Variants in INSL6 observed in about 807,000 individuals in gnomAD.
The protein encoded by INSL6 is insulin like 6.
Under a neutral mutation model 9.4 loss-of-function variants are expected in INSL6, and 16 were observed. That is an observed-to-expected ratio of 1.70 (90% CI 1.15 to 2.59). INSL6 has a LOEUF of 2.59. Among genes scored for constraint, INSL6 ranks in the 30% most tolerant of loss-of-function variants. INSL6 has a pLI of 0.00. For synonymous variants in INSL6, 154 were observed against 96.9 expected (o/e 1.59, Z -3.46); for missense variants, 391 against 257.3 (o/e 1.52, Z -3.56).
intron 3 of INSL6, chr9:5,127,794 A>AT (rs1443571347): frequency 1.7e-5 from 4 of 232,468 alleles, no homozygotes; most frequent in Non-Finnish European, 3.4e-5. Flanking sequence ...CAGGTTAAGA[A>AT]TTTTTTCCTA....
chr9:5,047,678 C>T, the INSL6 span, among the ~76,000 whole-genome samples: 3 of 152,160 alleles, frequency 2.0e-5, no homozygotes, highest in African/African-American at 7.2e-5. Context: ...AGAGATTGAA[C>T]TCCTGGGCTC....
chr9:5,112,693 G>T, the INSL6 span: 1 of 902,626 alleles, frequency 1.1e-6, no homozygotes, highest in South Asian at 3.0e-5. Context: ...TCCTGAATTT[G>T]GAGCAGCAAG....
the INSL6 span, among the ~76,000 whole-genome samples, chr9:5,095,462 C>T: frequency 2.6e-5 from 4 of 152,102 alleles, no homozygotes; most frequent in South Asian, 8.3e-4. Context: ...TTCAACAACC[C>T]GTCCTCCGGG....
intron 1 of INSL6, among the ~76,000 whole-genome samples, chr9:5,165,185 T>C (rs1220171054): frequency 6.6e-6 from 1 of 152,122 alleles, no homozygotes; most frequent in African/African-American, 2.4e-5. Context: ...CACTCCGGTC[T>C]AGGTGACAGA....
At chr9:5,081,978 G>C in the INSL6 span, 1 of 853,982 alleles carries the variant, frequency 1.2e-6, no homozygotes, top group Non-Finnish European at 1.8e-6. Context: ...GAAAAAAAAG[G>C]TTTGGTTGTC....
intron 3 of INSL6, among the ~76,000 whole-genome samples, chr9:5,125,165 G>T (rs1019709794): frequency 6.6e-6 from 1 of 150,422 alleles, no homozygotes; most frequent in Non-Finnish European, 1.5e-5. Flanking sequence ...TCAATATTGT[G>T]GTATGTTACC....
the INSL6 span, among the ~76,000 whole-genome samples, chr9:5,038,156 T>C: frequency 6.6e-6 from 1 of 152,214 alleles, no homozygotes; most frequent in African/African-American, 2.4e-5. Context: ...AATTGTTTAA[T>C]GGATACAGTG....
the INSL6 span, chr9:5,109,851 T>G: frequency 6.6e-6 from 1 of 152,196 alleles, no homozygotes; most frequent in Non-Finnish European, 1.5e-5. Flanking sequence ...CACAGTATTC[T>G]TCCAATATTC....
At chr9:5,076,525 T>G in the INSL6 span, among the ~76,000 whole-genome samples, 2 of 152,152 alleles carry the variant, frequency 1.3e-5, no homozygotes, top group Non-Finnish European at 2.9e-5. Flanking sequence ...AGATATATTC[T>G]TTGTTTTTTT....
chr9:5,051,078 C>T, the INSL6 span, among the ~76,000 whole-genome samples: 1 of 152,082 alleles, frequency 6.6e-6, no homozygotes, highest in African/African-American at 2.4e-5. Flanking sequence ...CTTTGAACAT[C>T]ATGTTGACGT....
At chr9:5,063,893 C>G in the INSL6 span, among the ~76,000 whole-genome samples, 1,119 of 152,346 alleles carry the variant, frequency 7.3e-3, 6 homozygotes, top group Non-Finnish European at 0.011. Flanking sequence ...CATGGTGACT[C>G]ACGCGTGTAA....
At position 5,185,362 on chromosome 9, in the gene INSL6, C is replaced by A; in HGVS notation, c.241G>T (p.Glu81Ter). The part of the protein sequence containing the change: ...KVEAYSPYQF[E>*]SPQTASPARG... The stretch of plus-strand genomic sequence containing the variant: ...GCCGGGGAAGCGGTTTGCGGGCTTT[C>A]GAACTGGTATGGGCTGTAGGCTTCG... Residue 81 changes from glutamate (E) to a stop codon, truncating the protein, a stop_gained, in exon 1 of 2, where the codon GAA (glutamate) becomes TAA (stop). Transcript: ENST00000381641. LOFTEE classifies it low-confidence loss of function (END_TRUNC). 1.2e-6 allele frequency: 2 copies of A among 1,614,068 alleles called. No individual in the cohort carries two copies. The highest frequency in any genetic ancestry group is 1.7e-6 in the Non-Finnish European group (2 of 1,180,000).
chr9:5,074,257 A>G, the INSL6 span, among the ~76,000 whole-genome samples: 2 of 152,118 alleles, frequency 1.3e-5, no homozygotes, highest in East Asian at 1.9e-4. Flanking sequence ...AAAAGTATAA[A>G]TCGTACCCCA....
intron 3 of INSL6, chr9:5,126,877 A>G: frequency 4.5e-6 from 3 of 662,370 alleles, no homozygotes; most frequent in Non-Finnish European, 7.6e-6. Context: ...TATTACATAT[A>G]TCATTATTAT....
At chr9:5,038,018 G>GA in the INSL6 span, among the ~76,000 whole-genome samples, 119 of 152,288 alleles carry the variant, frequency 7.8e-4, 1 homozygote, top group African/African-American at 2.7e-3. Flanking sequence ...TAATGAACGA[G>GA]ATTGCTTGCT....
At chr9:5,026,544 CT>C in the INSL6 span, among the ~76,000 whole-genome samples, 1 of 152,020 alleles carries the variant, frequency 6.6e-6, no homozygotes, top group African/African-American at 2.4e-5. Context: ...GAATAAAATA[CT>C]TTTGTGTTCT....
intron 2 of INSL6, among the ~76,000 whole-genome samples, chr9:5,143,151 CT>C (rs901843462): frequency 1.7e-4 from 25 of 151,452 alleles, no homozygotes; most frequent in Non-Finnish European, 3.1e-4. Context: ...TTGAAGTTTT[CT>C]TTTTTTTGTA....
the INSL6 span, among the ~76,000 whole-genome samples, chr9:5,087,451 T>C: frequency 8.9e-6 from 1 of 112,676 alleles, no homozygotes; most frequent in African/African-American, 4.0e-5. Context: ...GAGATTTGGG[T>C]GAGGACAATG....
At chr9:5,095,807 C>CG in the INSL6 span, among the ~76,000 whole-genome samples, 175 of 152,294 alleles carry the variant, frequency 1.1e-3, 1 homozygote, top group African/African-American at 3.8e-3. Context: ...CCAGTACTAA[C>CG]TTATAATCCA....
Sources: allele counts gnomAD v4.1 joint callset (sites outside exome capture counted in the v4.1 genomes callset), GRCh38; gene constraint gnomAD v4.1.1; transcripts MANE v1.5; gene names NCBI Gene and HGNC (gene_info 2026-07-23, HGNC 2026-07-21).